Variants in SAMD12 observed in about 807,000 individuals in gnomAD.
The protein encoded by SAMD12 is sterile alpha motif domain-containing protein 12.
Under a neutral mutation model 15.0 loss-of-function variants are expected in SAMD12, and 9 were observed. The observed-to-expected ratio is 0.60, with a 90% CI of 0.36 to 1.05. The LOEUF is 1.05. Ranked by LOEUF, SAMD12 falls within the 50% of genes least tolerant of loss-of-function variation. SAMD12 has a pLI of 0.01. For synonymous variants in SAMD12, 86 were observed against 90.1 expected (o/e 0.96, Z 0.25); for missense variants, 230 against 234.2 (o/e 0.98, Z 0.12).
the SAMD12 span, among the ~76,000 whole-genome samples, chr8:118,173,936 T>C: frequency 6.6e-6 from 1 of 152,198 alleles, no homozygotes; most frequent in African/African-American, 2.4e-5. Context: ...AGCCTATATA[T>C]ATATATATTC....
intron 4 of SAMD12, among the ~76,000 whole-genome samples, chr8:118,333,539 A>G (rs749619698): frequency 6.7e-6 from 1 of 149,758 alleles, no homozygotes; most frequent in Non-Finnish European, 1.5e-5. Flanking sequence ...TTTTAGAATA[A>G]GTTATGATTC....
At chr8:118,141,903 T>G in the SAMD12 span, among the ~76,000 whole-genome samples, 1 of 152,188 alleles carries the variant, frequency 6.6e-6, no homozygotes, top group Non-Finnish European at 1.5e-5. Context: ...GGCCATCCCC[T>G]GTGATAGTTT....
intron 4 of SAMD12, among the ~76,000 whole-genome samples, chr8:118,222,709 T>C (rs1179464616): frequency 6.6e-6 from 1 of 152,086 alleles, no homozygotes; most frequent in African/African-American, 2.4e-5. Flanking sequence ...TTCACCATGT[T>C]GGACAGGCTG....
chr8:118,556,731 G>A (rs769579514), intron 2 of SAMD12, among the ~76,000 whole-genome samples: 15 of 152,082 alleles, frequency 9.9e-5, no homozygotes, highest in South Asian at 6.2e-4. Flanking sequence ...TTGGGAGGCC[G>A]AGGCGGGCGA....
intron 2 of SAMD12, among the ~76,000 whole-genome samples, chr8:118,450,309 T>G (rs1035067247): frequency 3.3e-5 from 5 of 152,134 alleles, no homozygotes; most frequent in Non-Finnish European, 7.4e-5. Context: ...ATGGCTCTGG[T>G]TATCAAGGCC....
chr8:118,298,987 G>T (rs1455829656), intron 4 of SAMD12, among the ~76,000 whole-genome samples: 2 of 151,938 alleles, frequency 1.3e-5, no homozygotes, highest in African/African-American at 4.8e-5. Context: ...ATAATCTTTG[G>T]GCTTTGGTTT....
chr8:118,574,776 A>G (rs1827106974), intron 2 of SAMD12, among the ~76,000 whole-genome samples: 1 of 152,196 alleles, frequency 6.6e-6, no homozygotes, highest in Non-Finnish European at 1.5e-5. Context: ...AGAATTCTTA[A>G]GAAGTACATC....
the SAMD12 span, among the ~76,000 whole-genome samples, chr8:118,163,916 A>AACAAAACAAAACAAC: frequency 2.2e-5 from 3 of 137,782 alleles, no homozygotes; most frequent in Admixed American, 2.2e-4. Context: ...AACAAAACAA[A>AACAAAACAAAACAAC]AAAACAAACC....
chr8:118,554,574 C>T (rs1348263547), intron 2 of SAMD12, among the ~76,000 whole-genome samples: 1 of 151,518 alleles, frequency 6.6e-6, no homozygotes, highest in Non-Finnish European at 1.5e-5. Flanking sequence ...ATACCTAATG[C>T]TAGATGACGA....
chr8:118,510,096 A>C (rs974991958), intron 2 of SAMD12, among the ~76,000 whole-genome samples: 2 of 152,124 alleles, frequency 1.3e-5, no homozygotes, highest in African/African-American at 2.4e-5. Flanking sequence ...TGGAAAAGCC[A>C]CTTTTCCAAA....
intron 3 of SAMD12, among the ~76,000 whole-genome samples, chr8:118,398,656 T>A (rs1338405310): frequency 1.3e-5 from 2 of 152,118 alleles, no homozygotes; most frequent in Admixed American, 1.3e-4. Context: ...AAAACCGAAC[T>A]TAACTGCTTG....
intron 2 of SAMD12, among the ~76,000 whole-genome samples, chr8:118,575,992 C>CT (rs567459009): frequency 0.029 from 4,348 of 147,510 alleles, 202 homozygotes; most frequent in African/African-American, 0.098. Context: ...AGTATTTCGA[C>CT]TTTTTTTTTT....
At chr8:118,421,750 C>T (rs1331264950) in intron 3 of SAMD12, among the ~76,000 whole-genome samples, 3 of 152,188 alleles carry the variant, frequency 2.0e-5, no homozygotes, top group Non-Finnish European at 4.4e-5. Context: ...TCAGCAGACT[C>T]AGTGAGCTTT....
chr8:118,621,463 G>A, intron 1 of SAMD12: 1 of 369,896 alleles, frequency 2.7e-6, no homozygotes, highest in Non-Finnish European at 5.0e-6. Flanking sequence ...TCCGGAGGGA[G>A]GGGGCAGGGA....
At chr8:118,603,480 G>A (rs1195270194) in intron 1 of SAMD12, among the ~76,000 whole-genome samples, 2 of 152,152 alleles carry the variant, frequency 1.3e-5, no homozygotes, top group Non-Finnish European at 2.9e-5. Flanking sequence ...TCAAAATTGT[G>A]GGGAAAGATA....
intron 4 of SAMD12, chr8:118,284,174 T>C: frequency 2.4e-6 from 1 of 420,370 alleles, no homozygotes; most frequent in South Asian, 1.7e-5. Context: ...CGATGGCCAC[T>C]TTTTGCCCAC....
At chr8:118,526,933 A>G (rs1159263844) in intron 2 of SAMD12, among the ~76,000 whole-genome samples, 1 of 152,218 alleles carries the variant, frequency 6.6e-6, no homozygotes, top group East Asian at 1.9e-4. Context: ...TGGTCCAGCA[A>G]CTGCACTAGT....
At chr8:118,518,454 T>C (rs1471256861) in intron 2 of SAMD12, among the ~76,000 whole-genome samples, 1 of 152,206 alleles carries the variant, frequency 6.6e-6, no homozygotes, top group African/African-American at 2.4e-5. Context: ...ATAACCTCTT[T>C]TATCTCATTT....
the SAMD12 span, among the ~76,000 whole-genome samples, chr8:118,133,819 A>G: frequency 8.5e-3 from 1,288 of 152,156 alleles, 11 homozygotes; most frequent in Non-Finnish European, 0.012. Context: ...ATGTGAATTT[A>G]TGGAATGATT....
Sources: allele counts gnomAD v4.1 joint callset (sites outside exome capture counted in the v4.1 genomes callset), GRCh38; gene constraint gnomAD v4.1.1; transcripts MANE v1.5; gene names NCBI Gene and HGNC (gene_info 2026-07-23, HGNC 2026-07-21).